CCDC201: variants seen among roughly 807,000 people sequenced by gnomAD.
CCDC201 encodes coiled-coil domain-containing protein 201.
At chr7:45,870,106 C>T (rs955600332) in intron 1 of CCDC201, among the ~76,000 whole-genome samples, 8 of 152,070 alleles carry the variant, frequency 5.3e-5, no homozygotes, top group East Asian at 1.9e-4. Flanking sequence ...CGTGAGCCAC[C>T]GCAGCCAGCA....
chr7:45,867,084 C>T (rs1291488975), intron 1 of CCDC201, among the ~76,000 whole-genome samples: 3 of 152,198 alleles, frequency 2.0e-5, no homozygotes, highest in African/African-American at 7.2e-5. Flanking sequence ...CACTCACACC[C>T]TTTTCTCAGA....
At chr7:45,866,348 A>C (rs1273250488) in exon 2 of CCDC201, 1 of 152,440 alleles carries the variant, frequency 6.6e-6, no homozygotes, top group Non-Finnish European at 1.5e-5. Context: ...TTGGGGACCC[A>C]CTGAGATAGG....
chr7:45,870,124 C>T (rs551226996), intron 1 of CCDC201, among the ~76,000 whole-genome samples: 1 of 152,316 alleles, frequency 6.6e-6, no homozygotes, highest in African/African-American at 2.4e-5. Context: ...GCAGTTGCTC[C>T]ACATTCTTAC....
At chr7:45,864,251 T>C (rs1489504004) in intron 2 of CCDC201, among the ~76,000 whole-genome samples, 3 of 152,100 alleles carry the variant, frequency 2.0e-5, no homozygotes, top group African/African-American at 7.2e-5. Flanking sequence ...CAGAGGGGCC[T>C]TGTGGGGATC....
upstream of CCDC201, among the ~76,000 whole-genome samples, chr7:45,873,890 G>T (rs141230459): frequency 6.8e-6 from 1 of 146,912 alleles, no homozygotes; most frequent in East Asian, 2.0e-4. Context: ...TTTTTAGTGT[G>T]CCTATTTTAT....
chr7:45,877,003 G>A (rs540115570), upstream of CCDC201, among the ~76,000 whole-genome samples: 49 of 152,338 alleles, frequency 3.2e-4, no homozygotes, highest in African/African-American at 1.0e-3. Flanking sequence ...AGTGCTTGTG[G>A]AAGTGGTGGC....
At chr7:45,881,574 C>T in the CCDC201 span, among the ~76,000 whole-genome samples, 2 of 152,152 alleles carry the variant, frequency 1.3e-5, no homozygotes, top group African/African-American at 4.8e-5. Flanking sequence ...TGGTCTAACC[C>T]ACCCCCCTTT....
chr7:45,868,364 A>C (rs1246590809), intron 1 of CCDC201, among the ~76,000 whole-genome samples: 9 of 152,114 alleles, frequency 5.9e-5, no homozygotes, highest in African/African-American at 2.2e-4. Context: ...GTATAATCTA[A>C]CTTCAGAAGT....
At chr7:45,884,001 TTCTTTCTTTTTCTTTCTC>T in the CCDC201 span, among the ~76,000 whole-genome samples, 50 of 131,876 alleles carry the variant, frequency 3.8e-4, no homozygotes, top group African/African-American at 1.2e-3. Context: ...TTCTTTTTCT[TTCTTTCTTTTTCTTTCTC>T]TCTCTTTCTT....
chr7:45,874,987 A>T (rs1423264113), upstream of CCDC201, among the ~76,000 whole-genome samples: 1 of 152,238 alleles, frequency 6.6e-6, no homozygotes, highest in East Asian at 1.9e-4. Flanking sequence ...AAGCCCAAGT[A>T]GATGCAGTGT....
chr7:45,883,382 AG>A, the CCDC201 span, among the ~76,000 whole-genome samples: 563 of 152,276 alleles, frequency 3.7e-3, 4 homozygotes, highest in African/African-American at 0.013. Flanking sequence ...AGGATTGCAC[AG>A]GGGGGCACTG....
intron 1 of CCDC201, among the ~76,000 whole-genome samples, chr7:45,868,223 T>C (rs1324441651): frequency 6.6e-6 from 1 of 152,146 alleles, no homozygotes; most frequent in Non-Finnish European, 1.5e-5. Context: ...TGGTGCTAGC[T>C]ATTGGTGGGA....
At position 45,864,927 on chromosome 7, in the gene CCDC201, T is replaced by A. The variant is rs148372747; in HGVS notation, c.477+1109A>T. On this transcript the variant is annotated intron_variant, in intron 2 of 2. Coordinates refer to ENST00000636578, the Ensembl canonical transcript of CCDC201. ...AGGAAGGAAAAGTAGGGGAAGGTCT[T>A]CCAGAGTCAGATGGGCCCAGGGAGT... Among the ~76,000 whole-genome samples the A allele has an allele frequency of 2.3e-3, 346 of 151,556 alleles. 2 individuals carry two copies. Among genetic ancestry groups the A allele is most frequent in the African/African-American group, 8.1e-3 (336 of 41,276 alleles).
the CCDC201 span, among the ~76,000 whole-genome samples, chr7:45,883,531 A>G: frequency 0.12 from 19,008 of 152,132 alleles, 1,226 homozygotes; most frequent in Non-Finnish European, 0.14. Context: ...TCAAAGGCCC[A>G]TTAGAGTCGA....
At chr7:45,877,202 A>C (rs1019731877), upstream of CCDC201, among the ~76,000 whole-genome samples, 4 of 152,184 alleles carry the variant, frequency 2.6e-5, no homozygotes, top group African/African-American at 7.2e-5. Context: ...TTCTACCCAC[A>C]TTGTTACAGT....
upstream of CCDC201, among the ~76,000 whole-genome samples, chr7:45,873,257 T>G (rs1360738655): frequency 6.6e-6 from 1 of 151,320 alleles, no homozygotes; most frequent in Non-Finnish European, 1.5e-5. Flanking sequence ...GAAGGCTGGC[T>G]GGGCACTTGC....
chr7:45,882,633 G>A, the CCDC201 span, among the ~76,000 whole-genome samples: 1 of 152,172 alleles, frequency 6.6e-6, no homozygotes, highest in Non-Finnish European at 1.5e-5. Flanking sequence ...CAAATTGCTG[G>A]CAGAGGCCGT....
intron 1 of CCDC201, among the ~76,000 whole-genome samples, chr7:45,870,937 A>C (rs1232873396): frequency 6.6e-6 from 1 of 152,226 alleles, no homozygotes; most frequent in Non-Finnish European, 1.5e-5. Flanking sequence ...AATGGGGGTG[A>C]GAAGACAGAC....
At chr7:45,863,129 T>C (rs1786623198) in exon 3 of CCDC201, 1 of 152,282 alleles carries the variant, frequency 6.6e-6, no homozygotes, top group African/African-American at 2.4e-5. Context: ...GCTTCCTCAA[T>C]GTTCTGAAGC....
Sources: allele counts gnomAD v4.1 joint callset (sites outside exome capture counted in the v4.1 genomes callset), GRCh38; gene constraint gnomAD v4.1.1; transcripts MANE v1.5; gene names NCBI Gene and HGNC (gene_info 2026-07-23, HGNC 2026-07-21).